DLGAP2: variants seen among roughly 807,000 people sequenced by gnomAD.
DLGAP2 encodes the protein disks large-associated protein 2.
Under a neutral mutation model 100.3 loss-of-function variants are expected in DLGAP2, and 26 were observed. That is an observed-to-expected ratio of 0.26 (90% CI 0.19 to 0.36). DLGAP2 has a LOEUF of 0.36. Among genes scored for constraint, DLGAP2 ranks in the 10% least tolerant of loss-of-function variants. DLGAP2 has a pLI of 1.00. For synonymous variants in DLGAP2, 886 were observed against 630.1 expected (o/e 1.41, Z -6.08); for missense variants, 1,858 against 1,453.2 (o/e 1.28, Z -4.53).
intron 1 of DLGAP2, among the ~76,000 whole-genome samples, chr8:811,422 C>T (rs138263929): frequency 0.18 from 23,220 of 131,886 alleles, 2,292 homozygotes; most frequent in Admixed American, 0.35. Context: ...TGGTGAGAGG[C>T]CACCAGCTTT....
At chr8:1,167,507 T>C (rs1797040667) in intron 2 of DLGAP2, among the ~76,000 whole-genome samples, 1 of 152,186 alleles carries the variant, frequency 6.6e-6, no homozygotes, top group South Asian at 2.1e-4. Flanking sequence ...GACTGGAATT[T>C]CAGTGTTGCA....
intron 5 of DLGAP2, among the ~76,000 whole-genome samples, chr8:1,558,220 G>A (rs1038620877): frequency 1.1e-4 from 17 of 152,190 alleles, no homozygotes; most frequent in Non-Finnish European, 1.8e-4. Context: ...GCATGAGGGC[G>A]ATAGGAGCTG....
chr8:1,200,918 C>T (rs1585146341), intron 2 of DLGAP2, among the ~76,000 whole-genome samples: 1 of 152,320 alleles, frequency 6.6e-6, no homozygotes, highest in South Asian at 2.1e-4. Context: ...CGCCTCCGGG[C>T]GGTGCGCGAT....
At chr8:1,032,629 A>G (rs1802008136) in intron 2 of DLGAP2, 1 of 152,112 alleles carries the variant, frequency 6.6e-6, no homozygotes, top group Non-Finnish European at 1.5e-5. Flanking sequence ...TAAAAGTGAG[A>G]TGTTGGAAGT....
chr8:1,638,074 G>T (rs1797811520), intron 8 of DLGAP2, among the ~76,000 whole-genome samples: 2 of 152,182 alleles, frequency 1.3e-5, no homozygotes, highest in Admixed American at 6.5e-5. Context: ...ACGGATGGGG[G>T]ACATGAGCTG....
intron 6 of DLGAP2, among the ~76,000 whole-genome samples, chr8:1,575,455 TTTA>T (rs56350882): frequency 0.45 from 63,985 of 140,904 alleles, 14,906 homozygotes; most frequent in Middle Eastern, 0.62. Context: ...GAGGATATTC[TTTA>T]TTATTATTAT....
intron 3 of DLGAP2, among the ~76,000 whole-genome samples, chr8:1,287,011 G>T (rs11775046): frequency 0.021 from 3,270 of 152,330 alleles, 36 homozygotes; most frequent in Middle Eastern, 0.065. Flanking sequence ...GTTTTATAAC[G>T]TGAACCAGCT....
intron 6 of DLGAP2, among the ~76,000 whole-genome samples, chr8:1,581,408 C>T (rs546635166): frequency 7.9e-5 from 12 of 151,594 alleles, no homozygotes; most frequent in African/African-American, 2.9e-4. Context: ...ACAGAAAAAA[C>T]CCCACACACA....
intron 3 of DLGAP2, among the ~76,000 whole-genome samples, chr8:1,343,385 C>T (rs1324056113): frequency 6.6e-5 from 10 of 152,090 alleles, no homozygotes; most frequent in Admixed American, 1.3e-4. Context: ...GAGTTGCCCA[C>T]GAGCCTGTGT....
intron 2 of DLGAP2, among the ~76,000 whole-genome samples, chr8:1,230,555 A>T (rs552439252): frequency 1.3e-5 from 2 of 152,232 alleles, no homozygotes; most frequent in Admixed American, 6.5e-5. Context: ...AGCCAAAGCA[A>T]TCCTATGCAA....
intron 3 of DLGAP2, among the ~76,000 whole-genome samples, chr8:1,347,455 T>G (rs1055481255): frequency 2.0e-5 from 3 of 151,974 alleles, no homozygotes; most frequent in Non-Finnish European, 4.4e-5. Flanking sequence ...GAAGTTGAGT[T>G]CCCATACAGA....
At chr8:1,282,775 G>A (rs1166066049) in intron 3 of DLGAP2, among the ~76,000 whole-genome samples, 7 of 108,140 alleles carry the variant, frequency 6.5e-5, no homozygotes, top group Non-Finnish European at 7.7e-5. Flanking sequence ...TGAACCATAC[G>A]GACATGGTGT....
chr8:913,655 T>C (rs1798534264), intron 2 of DLGAP2, among the ~76,000 whole-genome samples: 1 of 152,268 alleles, frequency 6.6e-6, no homozygotes, highest in South Asian at 2.1e-4. Context: ...CCTGTAACTT[T>C]GCTGTGAGAT....
intron 1 of DLGAP2, among the ~76,000 whole-genome samples, chr8:905,213 G>A (rs764234728): frequency 1.3e-5 from 2 of 152,118 alleles, no homozygotes; most frequent in Non-Finnish European, 2.9e-5. Flanking sequence ...GAGCCGCAGG[G>A]TGGGCACTGT....
chr8:1,418,963 C>T (rs1461029222), intron 3 of DLGAP2, among the ~76,000 whole-genome samples: 1 of 152,220 alleles, frequency 6.6e-6, no homozygotes, highest in Non-Finnish European at 1.5e-5. Flanking sequence ...TGTGTTTACC[C>T]ACACTATGTA....
chr8:1,479,886 C>T (rs2130240400), intron 3 of DLGAP2, among the ~76,000 whole-genome samples: 1 of 152,178 alleles, frequency 6.6e-6, no homozygotes, highest in South Asian at 2.1e-4. Context: ...GATTATTTAC[C>T]CCGGTGGGAT....
rs147467582 is a variant in DLGAP2 at position 1,432,124 on chromosome 8, G to A, written c.107-69242G>A. Among the ~76,000 whole-genome samples, 879 of 152,278 alleles carry A rather than the reference G, an allele frequency of 5.8e-3. 13 individuals are homozygous for A. The highest frequency in any genetic ancestry group is 0.016 in the South Asian group (78 of 4,820). ...CCATCCATCGGGGCTGAACTCTGGC[G>A]TTTGATCATTCGGGGCTAGTTCCAC... On this transcript the variant is annotated intron_variant, in intron 3 of 14. Coordinates refer to ENST00000637795, the MANE Select transcript of DLGAP2 (RefSeq NM_001346810.2).
chr8:1,582,296 G>A (rs1227454686), intron 6 of DLGAP2, among the ~76,000 whole-genome samples: 2 of 142,240 alleles, frequency 1.4e-5, no homozygotes, highest in Non-Finnish European at 3.0e-5. Flanking sequence ...CAGAAGTGAA[G>A]GATACAGATA....
chr8:1,327,847 AAAAT>A (rs759082254), intron 3 of DLGAP2, among the ~76,000 whole-genome samples: 92 of 152,264 alleles, frequency 6.0e-4, no homozygotes, highest in Middle Eastern at 3.4e-3. Context: ...CCGTCTCAAA[AAAAT>A]AAATAAATAA....
Sources: gnomAD v4.1 joint callset for allele counts (sites outside exome capture counted in the v4.1 genomes callset) on GRCh38, gnomAD v4.1.1 for gene constraint, MANE v1.5 for transcripts, NCBI Gene and HGNC (gene_info 2026-07-23, HGNC 2026-07-21) for gene names.